NXPE2: variants seen among roughly 807,000 people sequenced by gnomAD.
NXPE2 encodes the protein NXPE family member 2.
In NXPE2, 34 loss-of-function variants were observed where a neutral mutation model predicts 34.4. The observed-to-expected ratio is 0.99, with a 90% confidence interval of 0.75 to 1.31. The LOEUF is 1.31. Ranked by LOEUF, NXPE2 falls within the 40% of genes most tolerant of loss-of-function variation. The probability of loss-of-function intolerance (pLI) is 0.00; values close to 1 mark genes in which losing one functional copy is unlikely to be tolerated. For synonymous variants in NXPE2, 235 were observed against 231.3 expected (o/e 1.02, Z -0.15); for missense variants, 649 against 672.5 (o/e 0.97, Z 0.39).
At chr11:114,628,371 C>T in the NXPE2 span, among the ~76,000 whole-genome samples, 2 of 152,186 alleles carry the variant, frequency 1.3e-5, no homozygotes, top group South Asian at 2.1e-4. Context: ...GAATCTCACT[C>T]AAAACCACTG....
chr11:114,515,974 G>A, the NXPE2 span, among the ~76,000 whole-genome samples: 1 of 152,220 alleles, frequency 6.6e-6, no homozygotes, highest in East Asian at 1.9e-4. Context: ...CAGTGAATAT[G>A]AGGCAAACAA....
the NXPE2 span, among the ~76,000 whole-genome samples, chr11:114,577,650 G>T: frequency 1.3e-5 from 2 of 152,182 alleles, no homozygotes; most frequent in Non-Finnish European, 2.9e-5. Context: ...GGGATGGAAA[G>T]GTAGTGAGGT....
the NXPE2 span, among the ~76,000 whole-genome samples, chr11:114,586,919 C>T: frequency 2.0e-5 from 3 of 152,064 alleles, no homozygotes; most frequent in Non-Finnish European, 2.9e-5. Context: ...ATGGGATTGC[C>T]GTTTTTGTGA....
chr11:114,569,528 T>A, the NXPE2 span, among the ~76,000 whole-genome samples: 1 of 152,210 alleles, frequency 6.6e-6, no homozygotes, highest in South Asian at 2.1e-4. Flanking sequence ...GTATTGGAAC[T>A]GGTACTCTGC....
chr11:114,521,142 A>G, the NXPE2 span, among the ~76,000 whole-genome samples: 1 of 151,930 alleles, frequency 6.6e-6, no homozygotes, highest in Non-Finnish European at 1.5e-5. Context: ...TCCTTTATCT[A>G]TTAGGGTTAT....
the NXPE2 span, among the ~76,000 whole-genome samples, chr11:114,636,714 T>A: frequency 6.6e-6 from 1 of 152,114 alleles, no homozygotes; most frequent in Non-Finnish European, 1.5e-5. Flanking sequence ...CTTCATTTCG[T>A]TATGTACCCA....
At chr11:114,604,349 G>A in the NXPE2 span, among the ~76,000 whole-genome samples, 1 of 152,026 alleles carries the variant, frequency 6.6e-6, no homozygotes, top group East Asian at 1.9e-4. Context: ...GGTAACCACT[G>A]TTACCCAGTG....
At chr11:114,653,257 C>T in the NXPE2 span, among the ~76,000 whole-genome samples, 1 of 152,142 alleles carries the variant, frequency 6.6e-6, no homozygotes, top group African/African-American at 2.4e-5. Context: ...TGTAAGCAAA[C>T]ATTATAAAAA....
intron 3 of NXPE2, among the ~76,000 whole-genome samples, chr11:114,699,970 C>G (rs1425652340): frequency 6.6e-6 from 1 of 151,748 alleles, no homozygotes; most frequent in Non-Finnish European, 1.5e-5. Context: ...ATTTTTGTAT[C>G]TTTAGTAGAG....
intron 1 of NXPE2, 81 bp downstream of exon 1, chr11:114,678,682 A>C (rs1024443999): frequency 8.9e-7 from 1 of 1,127,898 alleles, no homozygotes. Context: ...GTGTTTTTCA[A>C]ATGGTGTGAT....
chr11:114,708,462 T>A (rs183930933), downstream of NXPE2, among the ~76,000 whole-genome samples: 151 of 152,148 alleles, frequency 9.9e-4, no homozygotes, highest in Admixed American at 8.2e-3. Flanking sequence ...AGGAATATTG[T>A]TATTAAGGAT....
chr11:114,483,457 T>C, the NXPE2 span, among the ~76,000 whole-genome samples: 1 of 152,230 alleles, frequency 6.6e-6, no homozygotes, highest in Non-Finnish European at 1.5e-5. Flanking sequence ...AGGATAATGA[T>C]AGCACCTGCC....
chr11:114,701,766 G>T (rs1361363306), intron 3 of NXPE2, among the ~76,000 whole-genome samples: 2 of 152,152 alleles, frequency 1.3e-5, no homozygotes, highest in African/African-American at 4.8e-5. Context: ...GTTAACCCTT[G>T]AACAACCCAG....
At chr11:114,628,848 C>T in the NXPE2 span, among the ~76,000 whole-genome samples, 8 of 151,676 alleles carry the variant, frequency 5.3e-5, no homozygotes, top group Non-Finnish European at 7.4e-5. Flanking sequence ...ATATCACCAC[C>T]GATCCCACAG....
At chr11:114,742,484 C>A in the NXPE2 span, among the ~76,000 whole-genome samples, 1 of 152,162 alleles carries the variant, frequency 6.6e-6, no homozygotes, top group Admixed American at 6.5e-5. Flanking sequence ...GCTGAGTGCT[C>A]ACTCATGCCC....
At chr11:114,638,916 T>C in the NXPE2 span, among the ~76,000 whole-genome samples, 2 of 151,510 alleles carry the variant, frequency 1.3e-5, no homozygotes, top group Non-Finnish European at 2.9e-5. Flanking sequence ...GGGTCAGGGG[T>C]CAGGGACCCA....
chr11:114,605,196 G>A, the NXPE2 span, among the ~76,000 whole-genome samples: 1 of 151,924 alleles, frequency 6.6e-6, no homozygotes, highest in Non-Finnish European at 1.5e-5. Flanking sequence ...CTCTTACCCA[G>A]TGGATAATAA....
At chr11:114,711,689 T>C (rs1859617210), downstream of NXPE2, among the ~76,000 whole-genome samples, 1 of 152,184 alleles carries the variant, frequency 6.6e-6, no homozygotes, top group African/African-American at 2.4e-5. Context: ...TCCAAAGCAA[T>C]CTACAGCTCC....
chr11:114,629,577 A>C, the NXPE2 span, among the ~76,000 whole-genome samples: 6 of 152,072 alleles, frequency 3.9e-5, no homozygotes, highest in South Asian at 1.2e-3. Context: ...TTGAATGGGC[A>C]AAAACTGGAA....
Sources: allele counts gnomAD v4.1 joint callset (sites outside exome capture counted in the v4.1 genomes callset), GRCh38; gene constraint gnomAD v4.1.1; transcripts MANE v1.5; gene names NCBI Gene and HGNC (gene_info 2026-07-23, HGNC 2026-07-21).